The following EGFLAM variants were observed in gnomAD, a reference collection of about 807,000 sequenced individuals.
The protein encoded by EGFLAM is pikachurin.
Under a neutral mutation model 113.1 loss-of-function variants are expected in EGFLAM, and 79 were observed. That is an observed-to-expected ratio of 0.70 (90% CI 0.58 to 0.84). The LOEUF is 0.84. Ranked by LOEUF, EGFLAM falls within the 40% of genes least tolerant of loss-of-function variation. The pLI, the probability that EGFLAM is intolerant of heterozygous loss-of-function variation, is 0.00. For synonymous variants in EGFLAM, 504 were observed against 487.6 expected, an observed-to-expected ratio of 1.03 and a Z score of -0.44; for missense variants, 1,265 against 1,291.6, an observed-to-expected ratio of 0.98 and a Z score of 0.32.
At chr5:38,461,026 A>C (rs1743253053) in intron 20 of EGFLAM, 2 of 152,212 alleles carry the variant, frequency 1.3e-5, no homozygotes. Context: ...TCTTCATTTT[A>C]TGGATAAAAA....
At chr5:38,287,737 C>A (rs1758201034) in intron 1 of EGFLAM, among the ~76,000 whole-genome samples, 1 of 152,172 alleles carries the variant, frequency 6.6e-6, no homozygotes, top group Non-Finnish European at 1.5e-5. Context: ...AATGAACTCC[C>A]AACCAGTCAG....
At chr5:38,447,944 G>A (rs550339429) in intron 17 of EGFLAM, among the ~76,000 whole-genome samples, 3 of 152,194 alleles carry the variant, frequency 2.0e-5, no homozygotes, top group African/African-American at 7.2e-5. Flanking sequence ...CTCCCTAGGA[G>A]AACATCTGGG....
At chr5:38,450,905 C>G (rs1742892173) in intron 18 of EGFLAM, among the ~76,000 whole-genome samples, 1 of 152,212 alleles carries the variant, frequency 6.6e-6, no homozygotes, top group South Asian at 2.1e-4. Flanking sequence ...AGCTGGCCAT[C>G]CACAGCCGTG....
chr5:38,442,838 T>C (rs555846013), intron 17 of EGFLAM, among the ~76,000 whole-genome samples: 45 of 152,338 alleles, frequency 3.0e-4, no homozygotes, highest in African/African-American at 1.1e-3. Context: ...GCAAGGTACA[T>C]TCCTTGTCAG....
At chr5:38,303,782 C>A (rs1459900529) in intron 1 of EGFLAM, among the ~76,000 whole-genome samples, 1 of 151,996 alleles carries the variant, frequency 6.6e-6, no homozygotes, top group African/African-American at 2.4e-5. Flanking sequence ...TGGTAACAGT[C>A]ACAAAATTTC....
At chr5:38,457,930 T>G (rs1425185855) in intron 19 of EGFLAM, among the ~76,000 whole-genome samples, 1 of 151,288 alleles carries the variant, frequency 6.6e-6, no homozygotes, top group African/African-American at 2.4e-5. Context: ...GGTAGAAGGC[T>G]GGTTGTCAGG....
At chr5:38,287,834 T>C (rs1758204094) in intron 1 of EGFLAM, among the ~76,000 whole-genome samples, 1 of 152,254 alleles carries the variant, frequency 6.6e-6, no homozygotes, top group Non-Finnish European at 1.5e-5. Flanking sequence ...CAACGTGATT[T>C]TGCTAATCAG....
At chr5:38,383,241 T>C (rs1381920402) in intron 6 of EGFLAM, among the ~76,000 whole-genome samples, 1 of 152,236 alleles carries the variant, frequency 6.6e-6, no homozygotes, top group Admixed American at 6.5e-5. Flanking sequence ...CAGCGTTCTT[T>C]GGCGTTTATA....
chr5:38,311,654 A>G (rs1018406592), intron 1 of EGFLAM, among the ~76,000 whole-genome samples: 5 of 152,246 alleles, frequency 3.3e-5, no homozygotes, highest in Admixed American at 6.5e-5. Flanking sequence ...AATGACAGCA[A>G]GAATGGAAAT....
chr5:38,408,004 A>G lies in EGFLAM; in HGVS notation c.1248+99A>G, dbSNP rs114295735. 1.0e-4 allele frequency: 88 copies of G among 881,422 alleles called. No individual in the cohort carries two copies. The African/African-American group carries it at 1.4e-3, about 14-fold the overall frequency. 54.6% of individuals were successfully genotyped at this position (881,422 alleles called of 1,614,324 possible). On this transcript the variant is annotated intron_variant, in intron 9 of 21. Transcript: ENST00000322350. ...GGGGAGAGGAAGCGGGGCAGCAGGG[A>G]GAGCGACGAAAGGTAAATATGACAC...
At chr5:38,297,825 C>G (rs1274834980) in intron 1 of EGFLAM, among the ~76,000 whole-genome samples, 11 of 152,150 alleles carry the variant, frequency 7.2e-5, no homozygotes, top group Admixed American at 1.3e-4. Flanking sequence ...GCTCTGAAAA[C>G]CTCTCACCAA....
chr5:38,370,354 GT>G lies in EGFLAM; in HGVS notation c.606del (p.Ile203SerfsTer14). ...TGAGCGGATCCAGATGGACTCCATGGTTATCAAGGGCCTCGATCCAGATACC... is the reference window on the plus strand; with the variant it reads ...TGAGCGGATCCAGATGGACTCCATGGTATCAAGGGCCTCGATCCAGATACC... ...IHERIQMDSM[V>X]IKGLDPDTNY... On this transcript the variant is annotated frameshift_variant, in exon 6 of 22. Transcript: ENST00000322350. LOFTEE classifies it high-confidence loss of function. 1 of 1,614,176 alleles carries G rather than the reference GT, an allele frequency of 6.2e-7. No individual in the cohort carries two copies. The highest frequency in any genetic ancestry group is 8.5e-7 in the Non-Finnish European group (1 of 1,180,042).
chr5:38,273,558 G>T (rs1428258), intron 1 of EGFLAM, among the ~76,000 whole-genome samples: 1 of 151,852 alleles, frequency 6.6e-6, no homozygotes, highest in Non-Finnish European at 1.5e-5. Context: ...ATTCTAGCCC[G>T]TGCTGTGACA....
intron 1 of EGFLAM, among the ~76,000 whole-genome samples, chr5:38,270,871 T>G (rs558126229): frequency 6.6e-6 from 1 of 152,334 alleles, no homozygotes; most frequent in Admixed American, 6.5e-5. Context: ...CTATAGAGTT[T>G]ATAGAGTGGT....
intron 4 of EGFLAM, 72 bp downstream of exon 4, chr5:38,350,690 T>C: frequency 7.1e-7 from 1 of 1,403,862 alleles, no homozygotes; most frequent in Non-Finnish European, 1.0e-6. Context: ...CAAATATCAA[T>C]AGGGACTTAC....
chr5:38,274,200 A>G (rs1757831038), intron 1 of EGFLAM, among the ~76,000 whole-genome samples: 1 of 152,346 alleles, frequency 6.6e-6, no homozygotes, highest in Admixed American at 6.5e-5. Context: ...TACAGTATTT[A>G]TGGGATAGCG....
At chr5:38,391,851 A>G (rs1402871621) in intron 6 of EGFLAM, among the ~76,000 whole-genome samples, 1 of 149,760 alleles carries the variant, frequency 6.7e-6, no homozygotes, top group African/African-American at 2.5e-5. Context: ...ACCTTGGCTC[A>G]CTGCAAACTC....
intron 5 of EGFLAM, among the ~76,000 whole-genome samples, chr5:38,353,710 A>G (rs774932096): frequency 4.6e-5 from 7 of 152,268 alleles, no homozygotes. Context: ...AAAGTCCAGC[A>G]GCAAATCTAA....
intron 1 of EGFLAM, among the ~76,000 whole-genome samples, chr5:38,280,507 A>C (rs1174557964): frequency 6.6e-6 from 1 of 151,824 alleles, no homozygotes; most frequent in African/African-American, 2.4e-5. Context: ...CTTCCCCCCG[A>C]TTCCTCTCTC....
Sources: gnomAD v4.1 joint callset for allele counts (sites outside exome capture counted in the v4.1 genomes callset) on GRCh38, gnomAD v4.1.1 for gene constraint, MANE v1.5 for transcripts, NCBI Gene and HGNC (gene_info 2026-07-23, HGNC 2026-07-21) for gene names.